The following NFATC1 variants were observed in gnomAD, a reference collection of about 807,000 sequenced individuals.
NFATC1 encodes the protein nuclear factor of activated T cells 1, also known as nuclear factor of activated T-cells, cytoplasmic 1.
In NFATC1, 22 loss-of-function variants were observed where a neutral mutation model predicts 76.0. The observed-to-expected ratio is 0.29, with a 90% confidence interval of 0.21 to 0.41. NFATC1 has a LOEUF of 0.41. NFATC1 is among the 10% of genes least tolerant of loss of function. The pLI, the probability that NFATC1 is intolerant of heterozygous loss-of-function variation, is 1.00. For synonymous variants in NFATC1, 704 were observed against 613.1 expected, an observed-to-expected ratio of 1.15 and a Z score of -2.19; for missense variants, 1,357 against 1,337.7, an observed-to-expected ratio of 1.01 and a Z score of -0.23.
chr18:79,436,547 C>T (rs953562189), intron 3 of NFATC1, among the ~76,000 whole-genome samples: 5 of 152,144 alleles, frequency 3.3e-5, no homozygotes, highest in Admixed American at 6.5e-5. Context: ...GCGTCCGCGT[C>T]CTCCCACGCC....
rs1381633274 is a variant in NFATC1 at position 79,396,082 on chromosome 18, C to T, written c.-143C>T. The T allele has an allele frequency of 9.7e-7, 1 of 1,033,224 alleles. No homozygotes were observed. The allele number at this position is 1,033,224 out of a possible 1,614,324, so 64.0% of individuals were successfully genotyped here. A position where few individuals can be genotyped will look rare whatever the true frequency, so the allele number is the denominator to read the frequency against. ...CCGGGCCCCGCCACGCGCGCACACG[C>T]CCCTCGATGACTTTCCTCCGGGGCG... On this transcript the variant is annotated 5_prime_UTR_variant, in exon 1 of 10. Transcript: ENST00000427363.
intron 2 of NFATC1, among the ~76,000 whole-genome samples, chr18:79,424,989 G>C (rs765308322): frequency 1.0e-4 from 9 of 88,466 alleles, no homozygotes; most frequent in Non-Finnish European, 1.9e-4. Context: ...CTGTCTCTCT[G>C]TGTCTATCTC....
intron 9 of NFATC1, chr18:79,515,823 AT>A (rs2090368953): frequency 6.6e-6 from 1 of 151,906 alleles, no homozygotes; most frequent in African/African-American, 2.4e-5. Flanking sequence ...TATTTTTTAA[AT>A]TCTGTTAATT....
At chr18:79,415,923 ATGG>A (rs1306330932) in intron 2 of NFATC1, among the ~76,000 whole-genome samples, 5 of 152,054 alleles carry the variant, frequency 3.3e-5, no homozygotes, top group African/African-American at 1.2e-4. Context: ...TTAGCTGGGC[ATGG>A]TGGCGGGCGC....
intron 7 of NFATC1, among the ~76,000 whole-genome samples, chr18:79,464,849 G>C (rs1600817187): frequency 6.6e-6 from 1 of 151,530 alleles, no homozygotes; most frequent in East Asian, 2.0e-4. Flanking sequence ...GGGGACACAA[G>C]TGTGCCCTAT....
At chr18:79,516,045 C>T (rs556680557) in intron 9 of NFATC1, 1 of 152,018 alleles carries the variant, frequency 6.6e-6, no homozygotes, top group Non-Finnish European at 1.5e-5. Context: ...ATCTCCCAGG[C>T]ACGTGGTCCT....
chr18:79,419,556 C>CT (rs1243386540), intron 2 of NFATC1, among the ~76,000 whole-genome samples: 1 of 146,194 alleles, frequency 6.8e-6, no homozygotes, highest in African/African-American at 2.5e-5. Flanking sequence ...CGGGAGCCCC[C>CT]CTAGGAGGGT....
intron 8 of NFATC1, among the ~76,000 whole-genome samples, chr18:79,480,230 GGGCA>G (rs1461620294): frequency 6.6e-6 from 1 of 152,204 alleles, no homozygotes; most frequent in African/African-American, 2.4e-5. Context: ...GAGAAGCAGT[GGGCA>G]GGCACACGAG....
chr18:79,451,782 G>A lies in NFATC1; in HGVS notation c.1869G>A (p.Gln623=), dbSNP rs772478123. Residue 623 remains glutamine (Q), a synonymous_variant, in exon 6 of 10, where the codon CAG becomes CAA. Transcript: ENST00000427363. ...KMVLSGHNFL[Q]DSKVIFVEKA... ...TCCTGTCTGGCCACAACTTCCTGCA[G>A]GACTCCAAGGTCATTTTCGTGGAGA... is the stretch of plus-strand genomic sequence containing the variant. 1 of 1,612,620 alleles carries A rather than the reference G, an allele frequency of 6.2e-7. No individual in the cohort carries two copies. Among genetic ancestry groups the A allele is most frequent in the Non-Finnish European group, 8.5e-7 (1 of 1,179,456 alleles).
chr18:79,489,031 G>A (rs1334411821), intron 9 of NFATC1, among the ~76,000 whole-genome samples: 3 of 152,230 alleles, frequency 2.0e-5, no homozygotes, highest in South Asian at 2.1e-4. Context: ...GGGGACTGTT[G>A]ACCCGCACGG....
intron 6 of NFATC1, 34 bp from the exon 7 acceptor site, chr18:79,461,277 A>G (rs761696644): frequency 4.5e-5 from 72 of 1,613,330 alleles, no homozygotes; most frequent in Non-Finnish European, 5.3e-5. Flanking sequence ...CCCACCACAC[A>G]GAGTCACAGA....
Position 79,411,227 on chromosome 18 carries a change from G to T in NFATC1, c.952G>T (p.Ala318Ser). 6.2e-7 allele frequency: 1 copy of T among 1,605,120 alleles called. No homozygotes were observed. ...CTCGGCCATCGTGGCCGCCATCAACGCGCTGACCACCGACAGCAGCCTGGA... is the reference window on the plus strand; with the variant it reads ...CTCGGCCATCGTGGCCGCCATCAACTCGCTGACCACCGACAGCAGCCTGGA... ...TSSAIVAAIN[A>S]LTTDSSLDLG... Residue 318 changes from alanine (A) to serine (S), a missense_variant, in exon 2 of 10, where the codon GCG becomes TCG. Ala to Ser is a moderately conservative substitution (Grantham distance 99). Coordinates refer to ENST00000427363, the MANE Select transcript of NFATC1 (RefSeq NM_001278669.2).
chr18:79,464,669 T>TGTGTACGTATATATATACACAC (rs1224530916), intron 7 of NFATC1, among the ~76,000 whole-genome samples: 1 of 122,252 alleles, frequency 8.2e-6, no homozygotes, highest in Non-Finnish European at 1.7e-5. Flanking sequence ...TGTGTGTGTG[T>TGTGTACGTATATATATACACAC]GTATATGTAT....
At chr18:79,496,239 T>C (rs551956117) in intron 9 of NFATC1, 1 of 152,668 alleles carries the variant, frequency 6.6e-6, no homozygotes, top group Non-Finnish European at 1.5e-5. Flanking sequence ...TGTGTAGACA[T>C]TTCAAAGAGC....
chr18:79,431,661 G>T (rs1431096337), intron 2 of NFATC1, among the ~76,000 whole-genome samples: 1 of 152,140 alleles, frequency 6.6e-6, no homozygotes, highest in East Asian at 1.9e-4. Flanking sequence ...AAAGTTTTGG[G>T]ATTACAGGCA....
chr18:79,508,541 T>C (rs1454433822), intron 9 of NFATC1, among the ~76,000 whole-genome samples: 2 of 152,182 alleles, frequency 1.3e-5, no homozygotes, highest in Non-Finnish European at 1.5e-5. Context: ...CCCTCAAAAA[T>C]GTGCTCGAAG....
chr18:79,516,549 C>T lies in NFATC1; in HGVS notation c.2783-10979C>T, dbSNP rs146415422. Among the ~76,000 whole-genome samples the T allele has an allele frequency of 8.0e-3, 1,213 of 152,256 alleles. 16 individuals are homozygous for T. The highest frequency in any genetic ancestry group is 0.028 in the African/African-American group (1,147 of 41,544). On this transcript the variant is annotated intron_variant, in intron 9 of 9. Coordinates refer to ENST00000427363, the MANE Select transcript of NFATC1 (RefSeq NM_001278669.2). ...GTTCTTACCCCGTTTCTCAGCCGAG[C>T]GCCGGGCGCCCAGCAGTGTCGGACA...
rs114736773 is a variant in NFATC1 at position 79,461,242 on chromosome 18, G to A, written c.1904-69G>A. ...GCTCAGGGCCCTGGGTCTGGATCAC[G>A]TGGGGGTGTCTGGGGAGGGGGCTCC... On this transcript the variant is annotated intron_variant, in intron 6 of 9. Transcript: ENST00000427363. The A allele has an allele frequency of 2.7e-3, 4,317 of 1,579,270 alleles. 66 individuals carry two copies. In the African/African-American group the frequency reaches 0.039, roughly 14 times the overall value.
intron 1 of NFATC1, among the ~76,000 whole-genome samples, chr18:79,399,883 C>G (rs1419008321): frequency 6.6e-6 from 1 of 152,208 alleles, no homozygotes; most frequent in East Asian, 1.9e-4. Context: ...CCTCCCCACT[C>G]CCGGGGCTCC....
Sources: allele counts gnomAD v4.1 joint callset (sites outside exome capture counted in the v4.1 genomes callset), GRCh38; gene constraint gnomAD v4.1.1; transcripts MANE v1.5; gene names NCBI Gene and HGNC (gene_info 2026-07-23, HGNC 2026-07-21).